NUP160: variants seen among roughly 807,000 people sequenced by gnomAD.
NUP160 encodes nuclear pore complex protein Nup160.
In NUP160, 94 loss-of-function variants were observed where a neutral mutation model predicts 196.9. The observed-to-expected ratio is 0.48, with a 90% CI of 0.40 to 0.57. The LOEUF (loss-of-function observed/expected upper bound fraction) is 0.57, where lower values mean the gene tolerates loss of function less well. Among genes scored for constraint, NUP160 ranks in the 20% least tolerant of loss-of-function variants. The pLI is 0.00. For missense variants in NUP160, 1,638 were observed against 1,748.3 expected, an observed-to-expected ratio of 0.94 and a Z score of 1.13; for synonymous variants, 605 against 619.7, an observed-to-expected ratio of 0.98 and a Z score of 0.35.
intron 9 of NUP160, 103 bp downstream of exon 9, chr11:47,821,621 A>G (rs962587528): frequency 3.2e-5 from 26 of 807,244 alleles, no homozygotes; most frequent in Admixed American, 1.1e-4. Flanking sequence ...CGGCCTCTCA[A>G]AGTGTTAGGA....
chr11:47,786,664 G>T, intron 31 of NUP160, 110 bp from the exon 32 acceptor site: 1 of 684,752 alleles, frequency 1.5e-6, no homozygotes, highest in Non-Finnish European at 2.6e-6. Context: ...GTCTTTTGCT[G>T]AATTCACTAC....
At chr11:47,847,951 T>C in exon 2 of NUP160, 1 of 1,613,832 alleles carries the variant, frequency 6.2e-7, no homozygotes, top group Non-Finnish European at 8.5e-7. Context: ...GCCACGGCAT[T>C]TGCAGTCCCT....
chr11:47,780,510 C>T, intron 34 of NUP160, 63 bp from the exon 35 acceptor site: 2 of 1,026,820 alleles, frequency 1.9e-6, no homozygotes, highest in Admixed American at 1.8e-5. Flanking sequence ...TGGGTAGTTG[C>T]TTTCATAGGA....
intron 7 of NUP160, among the ~76,000 whole-genome samples, chr11:47,830,714 A>C (rs901859368): frequency 7.9e-5 from 12 of 152,148 alleles, no homozygotes; most frequent in African/African-American, 2.7e-4. Context: ...TTGAGGGTGG[A>C]GGTTGGGAGG....
At chr11:47,797,430 G>T (rs1270223751) in intron 27 of NUP160, among the ~76,000 whole-genome samples, 2 of 151,990 alleles carry the variant, frequency 1.3e-5, no homozygotes, top group African/African-American at 4.8e-5. Context: ...GTAGAGAAGG[G>T]GTTTCGCCAT....
At chr11:47,809,918 C>T (rs141973681) in intron 17 of NUP160, among the ~76,000 whole-genome samples, 10 of 151,726 alleles carry the variant, frequency 6.6e-5, no homozygotes, top group Middle Eastern at 3.4e-3. Context: ...TGGAAAAAAA[C>T]GTATATAGCA....
chr11:47,795,519 A>G (rs1324835351), intron 27 of NUP160, among the ~76,000 whole-genome samples: 3 of 152,306 alleles, frequency 2.0e-5, no homozygotes, highest in Admixed American at 2.0e-4. Flanking sequence ...CTTTTTTCCA[A>G]TGAAAATCAG....
chr11:47,827,985 T>C (rs1852004782), intron 7 of NUP160, among the ~76,000 whole-genome samples: 1 of 152,188 alleles, frequency 6.6e-6, no homozygotes, highest in African/African-American at 2.4e-5. Context: ...TCCTGCCATC[T>C]CAGCCCCTCA....
chr11:47,784,779 C>T, intron 33 of NUP160, 143 bp downstream of exon 33: 1 of 509,358 alleles, frequency 2.0e-6, no homozygotes. Flanking sequence ...TGGGCTCAAG[C>T]CATCCTCCCC....
intron 15 of NUP160, among the ~76,000 whole-genome samples, 162 bp downstream of exon 15, chr11:47,812,715 GTTAAA>G (rs763167176): frequency 2.6e-5 from 4 of 152,180 alleles, no homozygotes; most frequent in Non-Finnish European, 4.4e-5. Context: ...TTGAAGTCGT[GTTAAA>G]TTTTCTGTTA....
intron 9 of NUP160, chr11:47,820,190 G>A (rs1851826228): frequency 6.6e-6 from 1 of 152,086 alleles, no homozygotes; most frequent in Admixed American, 6.6e-5. Flanking sequence ...GCTTCAAAAT[G>A]GTTTGTTTTT....
At chr11:47,840,726 T>A in intron 2 of NUP160, 138 bp from the exon 3 acceptor site, 1 of 591,274 alleles carries the variant, frequency 1.7e-6, no homozygotes, top group South Asian at 2.6e-5. Flanking sequence ...CACTTTTGCA[T>A]GCCAAATCAC....
At chr11:47,818,607 GAAC>G (rs1292680374) in intron 10 of NUP160, among the ~76,000 whole-genome samples, 7 of 152,080 alleles carry the variant, frequency 4.6e-5, no homozygotes, top group East Asian at 1.9e-4. Flanking sequence ...GAAGTAGAGA[GAAC>G]AACATGGAAA....
At chr11:47,803,656 CT>C (rs567379108) in intron 21 of NUP160, 120 bp from the exon 22 acceptor site, 95 of 654,670 alleles carry the variant, frequency 1.5e-4, no homozygotes, top group Non-Finnish European at 2.3e-4. Flanking sequence ...GTTTTATTTC[CT>C]GACATAATTC....
chr11:47,834,789 C>CT (rs1852142871), intron 7 of NUP160, among the ~76,000 whole-genome samples: 1 of 152,140 alleles, frequency 6.6e-6, no homozygotes, highest in African/African-American at 2.4e-5. Flanking sequence ...CATAAGAAGA[C>CT]TGTCCACATT....
At chr11:47,806,762 G>A (rs1361102510) in intron 19 of NUP160, among the ~76,000 whole-genome samples, 1 of 145,090 alleles carries the variant, frequency 6.9e-6, no homozygotes, top group Non-Finnish European at 1.5e-5. Flanking sequence ...AATCACTGGA[G>A]CATCAAAACA....
At chr11:47,802,059 T>A in intron 22 of NUP160, 129 bp from the exon 23 acceptor site, 1 of 774,090 alleles carries the variant, frequency 1.3e-6, no homozygotes, top group Non-Finnish European at 2.1e-6. Flanking sequence ...ACTCTATGTA[T>A]AGTTTCTGAC....
intron 12 of NUP160, 34 bp downstream of exon 12, chr11:47,815,912 A>C: frequency 6.6e-7 from 1 of 1,516,086 alleles, no homozygotes; most frequent in Non-Finnish European, 9.1e-7. Context: ...TCAAGATGGA[A>C]GGAATTCTTA....
chr11:47,810,165 A>G (rs1213169588), intron 17 of NUP160, among the ~76,000 whole-genome samples: 1 of 152,104 alleles, frequency 6.6e-6, no homozygotes, highest in South Asian at 2.1e-4. Context: ...TCATTTTTCA[A>G]CTTGGTGATC....
Sources: gnomAD v4.1 joint callset for allele counts (sites outside exome capture counted in the v4.1 genomes callset) on GRCh38, gnomAD v4.1.1 for gene constraint, MANE v1.5 for transcripts, NCBI Gene and HGNC (gene_info 2026-07-23, HGNC 2026-07-21) for gene names.